Variants in TSPAN11 observed in about 807,000 individuals in gnomAD.
TSPAN11 encodes the protein tetraspanin-11.
In TSPAN11, 29 loss-of-function variants were observed where a neutral mutation model predicts 32.9. The ratio of observed to expected loss-of-function variants is 0.88; its 90% CI spans 0.66 to 1.20. The LOEUF is 1.20. Ranked by LOEUF, TSPAN11 falls within the 50% of genes most tolerant of loss-of-function variation. TSPAN11 has a pLI of 0.00. For synonymous variants in TSPAN11, 140 were observed against 141.3 expected, an observed-to-expected ratio of 0.99 and a Z score of 0.07; for missense variants, 283 against 329.1, an observed-to-expected ratio of 0.86 and a Z score of 1.08.
At chr12:30,961,574 A>G (rs1938614170) in intron 2 of TSPAN11, among the ~76,000 whole-genome samples, 1 of 152,016 alleles carries the variant, frequency 6.6e-6, no homozygotes, top group Non-Finnish European at 1.5e-5. Context: ...CCATGTCCCA[A>G]GCAGGTCTTC....
the TSPAN11 span, among the ~76,000 whole-genome samples, chr12:31,010,975 G>A: frequency 2.6e-5 from 4 of 152,120 alleles, no homozygotes; most frequent in African/African-American, 9.7e-5. Context: ...CTGGCAAGAG[G>A]AGCTAAGAAC....
intron 1 of TSPAN11, among the ~76,000 whole-genome samples, chr12:30,947,103 G>A (rs1311945027): frequency 1.3e-5 from 2 of 152,206 alleles, no homozygotes; most frequent in African/African-American, 4.8e-5. Flanking sequence ...TTCACTGGCA[G>A]GGGCAGATAA....
Position 30,939,441 on chromosome 12 carries a change from A to G in TSPAN11, c.-12+12645A>G, listed in dbSNP as rs192313105. Among the ~76,000 whole-genome samples the G allele has an allele frequency of 3.9e-3, 597 of 152,300 alleles. 5 individuals are homozygous for G. Among genetic ancestry groups the G allele is most frequent in the Non-Finnish European group, 3.2e-3 (215 of 68,018 alleles). ...CCATAAAACACCTGTCTTCATAACT[A>G]GGAAATCACAGTTTCTGAAACAGAG... On this transcript the variant is annotated intron_variant, in intron 1 of 7. Transcript: ENST00000546076.
At chr12:30,983,259 C>A in intron 7 of TSPAN11, 109 bp downstream of exon 7, 1 of 1,048,168 alleles carries the variant, frequency 9.5e-7, no homozygotes, top group Non-Finnish European at 1.4e-6. Context: ...CCTTTGCACA[C>A]CCGCACCCTA....
intron 1 of TSPAN11, among the ~76,000 whole-genome samples, chr12:30,943,191 G>A (rs1012269114): frequency 3.9e-5 from 6 of 152,140 alleles, no homozygotes; most frequent in African/African-American, 1.4e-4. Context: ...CTCTGCCCAG[G>A]GCAGATCCCC....
the TSPAN11 span, among the ~76,000 whole-genome samples, chr12:31,013,459 T>TGTAG: frequency 1.3e-5 from 2 of 152,228 alleles, no homozygotes; most frequent in African/African-American, 4.8e-5. Flanking sequence ...GGCACAGGTC[T>TGTAG]GTAGTCTCAG....
At chr12:30,990,286 G>A (rs1939286169) in intron 7 of TSPAN11, among the ~76,000 whole-genome samples, 1 of 152,184 alleles carries the variant, frequency 6.6e-6, no homozygotes, top group Non-Finnish European at 1.5e-5. Flanking sequence ...GGGGAGTGTG[G>A]CCCCTCCAGT....
intron 3 of TSPAN11, chr12:30,978,357 C>A: frequency 1.6e-6 from 1 of 606,644 alleles, no homozygotes; most frequent in Non-Finnish European, 3.0e-6. Context: ...ACATGCCGTA[C>A]TGAATTGTCA....
At chr12:30,943,456 TG>T (rs2140276899) in intron 1 of TSPAN11, among the ~76,000 whole-genome samples, 2 of 152,342 alleles carry the variant, frequency 1.3e-5, no homozygotes, top group African/African-American at 4.8e-5. Flanking sequence ...ATGCATCACT[TG>T]GTTTGCTGCC....
the TSPAN11 span, among the ~76,000 whole-genome samples, chr12:31,011,972 G>A: frequency 1.3e-5 from 2 of 152,204 alleles, no homozygotes; most frequent in Non-Finnish European, 2.9e-5. Flanking sequence ...AGGTCAGTCC[G>A]GGGTCCCCGT....
At chr12:30,937,930 A>C (rs1007641407) in intron 1 of TSPAN11, among the ~76,000 whole-genome samples, 1 of 152,224 alleles carries the variant, frequency 6.6e-6, no homozygotes, top group African/African-American at 2.4e-5. Context: ...CTGGAAAGGG[A>C]AAGATTGTGG....
chr12:30,958,808 G>T (rs565065637), intron 2 of TSPAN11, among the ~76,000 whole-genome samples: 1 of 152,252 alleles, frequency 6.6e-6, no homozygotes, highest in South Asian at 2.1e-4. Context: ...GTCAGGCATG[G>T]GTCCCTTGAT....
chr12:30,962,281 A>G (rs1322841949), intron 2 of TSPAN11, among the ~76,000 whole-genome samples: 1 of 150,142 alleles, frequency 6.7e-6, no homozygotes, highest in Non-Finnish European at 1.5e-5. Flanking sequence ...GGCACTTTGA[A>G]GAAATAGTAT....
At position 30,978,655 on chromosome 12, in the gene TSPAN11, C is replaced by T. The variant is rs779716847; in HGVS notation, c.351+20C>T. 2 of 1,612,420 alleles carry T rather than the reference C, an allele frequency of 1.2e-6. No homozygotes were observed. Among genetic ancestry groups the T allele is most frequent in the South Asian group, 1.1e-5 (1 of 91,014 alleles). On this transcript the variant is annotated intron_variant, in intron 4 of 7. Transcript: ENST00000546076. ...CAGAGGGTAAGTGACGTTTCCTCCT[C>T]CTGCATCCTCTGTCAGTGTCCTGAA...
chr12:30,971,843 TAA>T (rs5797394), intron 3 of TSPAN11, among the ~76,000 whole-genome samples: 62 of 150,342 alleles, frequency 4.1e-4, no homozygotes, highest in East Asian at 3.3e-3. Context: ...AGGCCTCGTG[TAA>T]AAAAAAAAAA....
At chr12:30,934,105 T>C (rs1319659168) in intron 1 of TSPAN11, among the ~76,000 whole-genome samples, 1 of 152,226 alleles carries the variant, frequency 6.6e-6, no homozygotes, top group Non-Finnish European at 1.5e-5. Context: ...GAGTCATGAT[T>C]ACCCAACTCT....
chr12:30,984,120 C>T (rs1207286677), intron 7 of TSPAN11, among the ~76,000 whole-genome samples: 1 of 152,220 alleles, frequency 6.6e-6, no homozygotes, highest in African/African-American at 2.4e-5. Flanking sequence ...AGCTCACGAA[C>T]ACGCCTGCTT....
At chr12:30,976,932 GA>G (rs1236720334) in intron 3 of TSPAN11, among the ~76,000 whole-genome samples, 4 of 152,218 alleles carry the variant, frequency 2.6e-5, no homozygotes, top group Admixed American at 2.6e-4. Context: ...CCTGGGGTAG[GA>G]AAGGAAGGGG....
chr12:30,979,939 C>G lies in TSPAN11; in HGVS notation c.456+269C>G, dbSNP rs574422615. On this transcript the variant is annotated intron_variant, in intron 5 of 7. Coordinates refer to ENST00000546076, the MANE Select transcript of TSPAN11 (RefSeq NM_001370302.1). The stretch of plus-strand genomic sequence containing the variant: ...CCAGGCCCCACCCCTGCTGCCTTCC[C>G]GTTCTGGGGCCTCTGTGGCCAGGAA... Among the ~76,000 whole-genome samples, 19 of 152,312 alleles carry G rather than the reference C, an allele frequency of 1.2e-4. 1 individual carries two copies. In the South Asian group the frequency reaches 2.5e-3, roughly 20 times the overall value.
Sources: gnomAD v4.1 joint callset for allele counts (sites outside exome capture counted in the v4.1 genomes callset) on GRCh38, gnomAD v4.1.1 for gene constraint, MANE v1.5 for transcripts, NCBI Gene and HGNC (gene_info 2026-07-23, HGNC 2026-07-21) for gene names.